The following WDR19 variants were observed in gnomAD, a reference collection of about 807,000 sequenced individuals.
WDR19 encodes the protein WD repeat domain 19, also known as WD repeat-containing protein 19.
WDR19 carries 121 observed loss-of-function variants against 180.0 expected under a neutral mutation model. The observed-to-expected ratio is 0.67, with a 90% CI of 0.58 to 0.78. The LOEUF (loss-of-function observed/expected upper bound fraction) is 0.78, where lower values mean the gene tolerates loss of function less well. WDR19 is among the 30% of genes least tolerant of loss of function. The pLI, the probability that WDR19 is intolerant of heterozygous loss-of-function variation, is 0.00. For missense variants in WDR19, 1,450 were observed against 1,640.7 expected (o/e 0.88, Z 2.01); for synonymous variants, 497 against 540.7 (o/e 0.92, Z 1.12).
At chr4:39,262,590 C>G (rs1437998731) in intron 28 of WDR19, among the ~76,000 whole-genome samples, 3 of 152,090 alleles carry the variant, frequency 2.0e-5, no homozygotes, top group African/African-American at 7.2e-5. Context: ...TTCCTTCGTT[C>G]CTTCACTCTT....
Position 39,268,000 on chromosome 4 carries a change from C to G in WDR19, c.3267C>G (p.Ala1089=). ...LGENDGMPKD[A]KYLFRLYMAL... ...TATAATGGTTTATGTGTCAGGATGC[C>G]AAGTACCTGTTCCGCTTGTACATGG... is the stretch of plus-strand genomic sequence containing the variant. Residue 1089 remains alanine, a synonymous_variant, in exon 30 of 37, where the codon GCC becomes GCG. Transcript: ENST00000399820. The G allele has an allele frequency of 6.2e-7, 1 of 1,601,146 alleles. No homozygotes were observed. The highest frequency in any genetic ancestry group is 8.5e-7 in the Non-Finnish European group (1 of 1,173,632).
chr4:39,240,620 C>T (rs961044334), intron 21 of WDR19, among the ~76,000 whole-genome samples: 2 of 152,058 alleles, frequency 1.3e-5, no homozygotes, highest in African/African-American at 4.8e-5. Flanking sequence ...TACTTATAGG[C>T]TATGATTTTC....
intron 19 of WDR19, among the ~76,000 whole-genome samples, chr4:39,234,056 G>C (rs1443244255): frequency 6.6e-6 from 1 of 152,126 alleles, no homozygotes; most frequent in Non-Finnish European, 1.5e-5. Flanking sequence ...TCAGTTTCTG[G>C]ATCTCTAAAA....
At chr4:39,191,313 G>A (rs1726127472) in intron 4 of WDR19, among the ~76,000 whole-genome samples, 1 of 152,176 alleles carries the variant, frequency 6.6e-6, no homozygotes, top group African/African-American at 2.4e-5. Context: ...AGAAGGTCCT[G>A]TTGTACATGA....
In WDR19 at chr4:39,185,722, T is replaced by G. The variant is rs1725441343; in HGVS notation, c.7-4T>G. On this transcript the variant is annotated splice_polypyrimidine_tract_variant and splice_region_variant and intron_variant, in intron 1 of 36. Transcript: ENST00000399820. ...AAATATTAAAAATTGTGTTTATTTT[T>G]TAGCGTATTTTCTCACTGCTAGAAA... 6.4e-7 allele frequency: 1 copy of G among 1,552,604 alleles called. No individual in the cohort carries two copies. The highest frequency in any genetic ancestry group is 1.4e-5 in the African/African-American group (1 of 73,086).
chr4:39,272,143 G>A (rs566934203), intron 31 of WDR19, among the ~76,000 whole-genome samples: 1 of 152,194 alleles, frequency 6.6e-6, no homozygotes, highest in South Asian at 2.1e-4. Context: ...CTGCAGACAT[G>A]AGTGGTGATT....
At chr4:39,230,412 C>T (rs1426370458) in intron 17 of WDR19, among the ~76,000 whole-genome samples, 2 of 152,162 alleles carry the variant, frequency 1.3e-5, no homozygotes, top group Non-Finnish European at 2.9e-5. Context: ...TGTGTTGCCT[C>T]AGAGCCAGGA....
intron 27 of WDR19, 57 bp downstream of exon 27, chr4:39,256,017 T>C: frequency 2.4e-6 from 3 of 1,229,200 alleles, no homozygotes; most frequent in Non-Finnish European, 3.5e-6. Flanking sequence ...GTAGGAAATA[T>C]ACGTAAATGC....
intron 6 of WDR19, among the ~76,000 whole-genome samples, chr4:39,200,255 G>A (rs1727233595): frequency 6.6e-6 from 1 of 152,174 alleles, no homozygotes; most frequent in African/African-American, 2.4e-5. Flanking sequence ...TATGAAATAT[G>A]GCTCTGTATT....
Position 39,257,501 on chromosome 4 carries a change from C to G in WDR19, c.3130C>G (p.Leu1044Val). The G allele has an allele frequency of 6.3e-7, 1 of 1,585,402 alleles. No individual in the cohort carries two copies. The highest frequency in any genetic ancestry group is 8.6e-7 in the Non-Finnish European group (1 of 1,164,604). Residue 1044 changes from leucine (L) to valine (V), a missense_variant, in exon 28 of 37, where the codon CTG becomes GTG. Physicochemically the swap from Leu to Val is conservative, Grantham distance 32 (BLOSUM62 1). Transcript: ENST00000399820. ...CGCTTTTCAGGCACTTAAACACTTCCTGAAATGCCCAAGCTCGGAAGATAA... is the reference window on the plus strand; with the variant it reads ...CGCTTTTCAGGCACTTAAACACTTCGTGAAATGCCCAAGCTCGGAAGATAA... ...GQYSRALKHF[L>V]KCPSSEDNVA...
At chr4:39,205,810 C>A in intron 9 of WDR19, 74 bp downstream of exon 9, 2 of 1,313,396 alleles carry the variant, frequency 1.5e-6, no homozygotes, top group Non-Finnish European at 2.0e-6. Context: ...ACTTTGTTAG[C>A]TAATATGAAT....
intron 32 of WDR19, chr4:39,274,087 C>T (rs1378136219): frequency 2.0e-5 from 3 of 152,220 alleles, no homozygotes; most frequent in Non-Finnish European, 2.9e-5. Context: ...ACCACATACA[C>T]TTTTAACATG....
chr4:39,221,539 G>A (rs1729704672), intron 14 of WDR19, among the ~76,000 whole-genome samples: 1 of 152,188 alleles, frequency 6.6e-6, no homozygotes, highest in African/African-American at 2.4e-5. Context: ...GGACAGGCGT[G>A]GTGGCACATG....
At chr4:39,217,619 G>A (rs915649423) in intron 13 of WDR19, among the ~76,000 whole-genome samples, 6 of 152,140 alleles carry the variant, frequency 3.9e-5, no homozygotes, top group Admixed American at 3.9e-4. Context: ...ATTTTGTGTG[G>A]GGGGGTCTTT....
At chr4:39,235,923 C>A (rs575043995) in intron 20 of WDR19, among the ~76,000 whole-genome samples, 3 of 151,852 alleles carry the variant, frequency 2.0e-5, no homozygotes, top group Non-Finnish European at 4.4e-5. Context: ...CAAATTAAAA[C>A]CACAATGAAA....
chr4:39,239,297 G>A (rs762603648), intron 20 of WDR19, among the ~76,000 whole-genome samples: 4 of 151,982 alleles, frequency 2.6e-5, no homozygotes, highest in Admixed American at 2.0e-4. Flanking sequence ...TTTATATCAT[G>A]TATATTAATA....
At position 39,216,162 on chromosome 4, in the gene WDR19, G is replaced by T. The variant is rs1194084177; in HGVS notation, c.1201G>T (p.Ala401Ser). 3.1e-6 allele frequency: 5 copies of T among 1,591,090 alleles called. No homozygotes were observed. The highest frequency in any genetic ancestry group is 8.6e-7 in the Non-Finnish European group (1 of 1,168,786). The change falls in exon 12 of 37, where the codon GCT becomes TCT. Residue 401 changes from alanine (A) to serine (S), a missense_variant. Transcript: ENST00000399820. ...NFVAVGLYHL[A>S]VGMNNRAWFY... ...TGTGGCAGTAGGTCTTTATCATCTG[G>T]CTGTAGGAATGAATAATCGAGCTTG...
intron 24 of WDR19, among the ~76,000 whole-genome samples, chr4:39,250,409 G>A (rs1041806480): frequency 1.3e-5 from 2 of 152,084 alleles, no homozygotes; most frequent in South Asian, 2.1e-4. Flanking sequence ...CATACTGAAC[G>A]GACAAAAACT....
intron 30 of WDR19, among the ~76,000 whole-genome samples, chr4:39,269,063 G>A (rs530155856): frequency 5.3e-5 from 8 of 152,170 alleles, no homozygotes; most frequent in Admixed American, 2.0e-4. Flanking sequence ...GGGGAAATGG[G>A]GAGGTGGGGA....
Sources: gnomAD v4.1 joint callset for allele counts (sites outside exome capture counted in the v4.1 genomes callset) on GRCh38, gnomAD v4.1.1 for gene constraint, MANE v1.5 for transcripts, NCBI Gene and HGNC (gene_info 2026-07-23, HGNC 2026-07-21) for gene names.